The following EXOC3L4 variants were observed in gnomAD, a reference collection of about 807,000 sequenced individuals.
EXOC3L4 encodes exocyst complex component 3-like protein 4.
In EXOC3L4, 62 loss-of-function variants were observed where a neutral mutation model predicts 69.7. That is an observed-to-expected ratio of 0.89 (90% CI 0.72 to 1.10). The LOEUF (loss-of-function observed/expected upper bound fraction) is 1.10. Among genes scored for constraint, EXOC3L4 ranks in the 50% least tolerant of loss-of-function variants. The pLI is 0.00. For synonymous variants in EXOC3L4, 502 were observed against 464.2 expected (o/e 1.08, Z -1.05); for missense variants, 1,087 against 1,034.8 (o/e 1.05, Z -0.69).
At position 103,104,992 on chromosome 14, in the gene EXOC3L4, G is replaced by A. The variant is rs1566950670; in HGVS notation, c.1386G>A (p.Arg462=). 1 of 1,612,306 alleles carries A rather than the reference G, an allele frequency of 6.2e-7. No homozygotes were observed. Among genetic ancestry groups the A allele is most frequent in the Non-Finnish European group, 8.5e-7 (1 of 1,178,784 alleles). ...AAAGGCTCTGTGTATCCCGCCCCAG[G>A]TTTGAAAAGGCTTTTCTGGCGTCGG... ...CTRALGLFVP[R]FEKAFLASEA... Residue 462 remains arginine, a splice_region_variant and synonymous_variant, in exon 7 of 12, where the codon AGG becomes AGA. Coordinates refer to ENST00000688303, the MANE Select transcript of EXOC3L4 (RefSeq NM_001077594.2).
rs185339868 is a variant in EXOC3L4 at position 103,096,067 on chromosome 14, T to C, written c.-17+1227T>C. Among the ~76,000 whole-genome samples, 14 of 152,278 alleles carry C rather than the reference T, an allele frequency of 9.2e-5. No individual in the cohort carries two copies. In the East Asian group the frequency reaches 1.7e-3, roughly 19 times the overall value. On this transcript the variant is annotated intron_variant, in intron 1 of 11. Transcript: ENST00000688303. Reference sequence around the variant, plus strand: ...AAGGAAAGCTTTCAAAGGAGGTTTATAGGGCCGGGCATGGTGGCTCACTCC... The same window carrying C: ...AAGGAAAGCTTTCAAAGGAGGTTTACAGGGCCGGGCATGGTGGCTCACTCC...
chr14:103,102,142 T>A lies in EXOC3L4; in HGVS notation c.419T>A (p.Ile140Asn). The A allele has an allele frequency of 6.2e-7, 1 of 1,606,118 alleles. No individual in the cohort carries two copies. Among genetic ancestry groups the A allele is most frequent in the Non-Finnish European group, 8.5e-7 (1 of 1,176,894 alleles). The stretch of plus-strand genomic sequence containing the variant: ...GAAGGCAAATCCGTGGCCGACCTCA[T>A]TACTGAACGGCAACTGCTGGCGGCC... ...EAEGKSVADLITERQLLAAFE... is the reference protein window; with the variant it reads ...EAEGKSVADLNTERQLLAAFE... Residue 140 changes from isoleucine to asparagine, a missense_variant, in exon 3 of 12, where the codon ATT becomes AAT. Coordinates refer to ENST00000688303, the MANE Select transcript of EXOC3L4 (RefSeq NM_001077594.2).
In EXOC3L4 at chr14:103,097,099, G is replaced by A. The variant is rs1039137589; in HGVS notation, c.-17+2259G>A. The stretch of plus-strand genomic sequence containing the variant: ...GAGCAGCTACGGGAGGGAAGGTCTA[G>A]GGGAAAGCGGGGAGTAGAAGCTGAG... On this transcript the variant is annotated intron_variant, in intron 1 of 11. Transcript: ENST00000688303. The surrounding 1 kb of genome is among the most constrained non-coding windows in gnomAD (Gnocchi z 4.9). Among the ~76,000 whole-genome samples the A allele has an allele frequency of 6.6e-6, 1 of 151,612 alleles. No individual in the cohort carries two copies. Among genetic ancestry groups the A allele is most frequent in the Non-Finnish European group, 1.5e-5 (1 of 67,868 alleles).
chr14:103,099,500 A>AC (rs1890055518), intron 1 of EXOC3L4, among the ~76,000 whole-genome samples: 4 of 149,824 alleles, frequency 2.7e-5, no homozygotes, highest in East Asian at 2.0e-4. Flanking sequence ...AGCATTGAGA[A>AC]CCCCCCCAGT....
intron 11 of EXOC3L4, 133 bp downstream of exon 11, chr14:103,108,650 C>T: frequency 1.7e-6 from 2 of 1,210,180 alleles, no homozygotes; most frequent in South Asian, 2.9e-5. Flanking sequence ...AGGCCTTGGA[C>T]CCTCAGACCC....
At chr14:103,108,857 C>T (rs1248117932) in intron 11 of EXOC3L4, among the ~76,000 whole-genome samples, 3 of 152,108 alleles carry the variant, frequency 2.0e-5, no homozygotes, top group Non-Finnish European at 2.9e-5. Context: ...GGTTTTGATC[C>T]CGGGTTGTGC....
At position 103,110,020 on chromosome 14, in the gene EXOC3L4, T is replaced by C. The variant is rs956667063; in HGVS notation, c.1977-11T>C. ...TGTAGGTCTGCAGTGAGTGCCCGCA[T>C]GTCTCTGCAGGCGGGACCACATACT... On this transcript the variant is annotated splice_polypyrimidine_tract_variant and intron_variant, in intron 11 of 11. Transcript: ENST00000688303. 6.3e-7 allele frequency: 1 copy of C among 1,583,070 alleles called. No homozygotes were observed. Among genetic ancestry groups the C allele is most frequent in the Non-Finnish European group, 8.6e-7 (1 of 1,166,368 alleles).
In EXOC3L4 at chr14:103,095,750, G is replaced by T. The variant is rs569639967; in HGVS notation, c.-17+910G>T. Among the ~76,000 whole-genome samples the T allele has an allele frequency of 2.6e-5, 4 of 152,280 alleles. No homozygotes were observed. In the East Asian group the frequency reaches 7.7e-4, roughly 29 times the overall value. Reference sequence around the variant, plus strand: ...TCTCTTTCTAATAGGCTTTGCTAGGGTATAGGAAAGGTGTTGCTTGTATTT... The same window carrying T: ...TCTCTTTCTAATAGGCTTTGCTAGGTTATAGGAAAGGTGTTGCTTGTATTT... On this transcript the variant is annotated intron_variant, in intron 1 of 11. Transcript: ENST00000688303.
In EXOC3L4 at chr14:103,104,803, A is replaced by T; in HGVS notation, c.1350A>T (p.Arg450=). The stretch of plus-strand genomic sequence containing the variant: ...CGGAGCTGGAGGCCACCACCCTGCG[A>T]ATCTGCACGCGGGCGCTCGGCCTCT... ...ISAELEATTL[R]ICTRALGLFV... Residue 450 remains arginine, a synonymous_variant, in exon 6 of 12, where the codon CGA becomes CGT. Transcript: ENST00000688303. The T allele has an allele frequency of 2.0e-6, 3 of 1,523,654 alleles. No individual in the cohort carries two copies. The highest frequency in any genetic ancestry group is 2.7e-6 in the Non-Finnish European group (3 of 1,131,046). The allele number at this position is 1,523,654 out of a possible 1,614,324, so 94.4% of individuals were successfully genotyped here. A position where few individuals can be genotyped will look rare whatever the true frequency, so the allele number is the denominator to read the frequency against.
chr14:103,108,963 A>G (rs1052489819), intron 11 of EXOC3L4, among the ~76,000 whole-genome samples: 1 of 151,872 alleles, frequency 6.6e-6, no homozygotes, highest in Non-Finnish European at 1.5e-5. Flanking sequence ...AGCTCACAGA[A>G]AGCCCCTGGT....
Position 103,100,277 on chromosome 14 carries a change from G to A in EXOC3L4, c.58G>A (p.Glu20Lys), listed in dbSNP as rs1890096477. Residue 20 changes from glutamate (E) to lysine (K), a missense_variant, in exon 2 of 12, where the codon GAG becomes AAG. Coordinates refer to ENST00000688303, the MANE Select transcript of EXOC3L4 (RefSeq NM_001077594.2). Reference protein sequence around the residue: ...GPELQSPKEAEEPQTPAQGSR... With the variant: ...GPELQSPKEAKEPQTPAQGSR... ...GGAGCTGCAGAGTCCCAAGGAGGCT[G>A]AGGAGCCACAGACTCCAGCTCAGGG... The A allele has an allele frequency of 6.3e-7, 1 of 1,578,262 alleles. No homozygotes were observed.
intron 1 of EXOC3L4, chr14:103,098,705 C>T (rs1890011306): frequency 6.6e-6 from 1 of 152,442 alleles, no homozygotes; most frequent in Non-Finnish European, 1.5e-5. Flanking sequence ...TGAAGGGGCA[C>T]CGGGGAGAGA....
chr14:103,110,394 T>G lies in EXOC3L4; in HGVS notation c.*171T>G. On this transcript the variant is annotated 3_prime_UTR_variant, in exon 12 of 12. Transcript: ENST00000688303. The stretch of plus-strand genomic sequence containing the variant: ...GCTGTCAGGCCAGAAGGAGCAGCCG[T>G]GCAGGAGGCATTTCAGGCATCGTTG... 1.2e-6 allele frequency: 1 copy of G among 800,228 alleles called. No homozygotes were observed. The highest frequency in any genetic ancestry group is 1.7e-5 in the African/African-American group (1 of 58,930). 49.6% of individuals were successfully genotyped at this position (800,228 alleles called of 1,614,324 possible).
Position 103,100,517 on chromosome 14 carries a change from T to G in EXOC3L4, c.298T>G (p.Ser100Ala). Residue 100 changes from serine to alanine, a missense_variant, in exon 2 of 12, where the codon TCC (serine) becomes GCC (alanine). Physicochemically the swap from Ser to Ala is moderately conservative, Grantham distance 99 (BLOSUM62 1). Coordinates refer to ENST00000688303, the MANE Select transcript of EXOC3L4 (RefSeq NM_001077594.2). ...GAATGACGGCCCAGCTACCGGCCAT[T>G]CCCAGGCCACTCCTGAGGTGCCCTC... ...ALNDGPATGH[S>A]QATPEVPSGV... The G allele has an allele frequency of 6.2e-7, 1 of 1,612,870 alleles. No individual in the cohort carries two copies. Among genetic ancestry groups the G allele is most frequent in the Non-Finnish European group, 8.5e-7 (1 of 1,179,780 alleles).
intron 8 of EXOC3L4, 134 bp downstream of exon 8, chr14:103,107,033 G>T: frequency 1.3e-6 from 1 of 786,936 alleles, no homozygotes; most frequent in Non-Finnish European, 2.0e-6. Flanking sequence ...AGGGTAGTGG[G>T]CAGGGGACCC....
intron 8 of EXOC3L4, 101 bp downstream of exon 8, chr14:103,107,000 G>A: frequency 9.8e-7 from 1 of 1,019,026 alleles, no homozygotes; most frequent in Non-Finnish European, 1.4e-6. Flanking sequence ...TTTATTCCAG[G>A]GTGAGCTCAT....
At chr14:103,099,207 C>A (rs530202430) in intron 1 of EXOC3L4, among the ~76,000 whole-genome samples, 7 of 152,192 alleles carry the variant, frequency 4.6e-5, no homozygotes, top group Non-Finnish European at 1.0e-4. Context: ...TGCCCTCCCC[C>A]ACCCATGGCC....
chr14:103,094,930 A>G (rs1306872035), intron 1 of EXOC3L4, 90 bp downstream of exon 1: 1 of 152,600 alleles, frequency 6.6e-6, no homozygotes, highest in Non-Finnish European at 1.5e-5. Context: ...CTTCCAGGCC[A>G]AGGGCCTCAC....
At chr14:103,105,146 A>G in intron 7 of EXOC3L4, 74 bp downstream of exon 7, 1 of 1,481,938 alleles carries the variant, frequency 6.7e-7, no homozygotes, top group Non-Finnish European at 9.2e-7. Context: ...ACCTGGATGG[A>G]GGGGAGTGCG....
Sources: gnomAD v4.1 joint callset for allele counts (sites outside exome capture counted in the v4.1 genomes callset) on GRCh38, gnomAD v4.1.1 for gene constraint, Gnocchi (gnomAD v3.1) non-coding constraint, MANE v1.5 for transcripts, NCBI Gene and HGNC (gene_info 2026-07-23, HGNC 2026-07-21) for gene names.